OSTF1: variants seen among roughly 807,000 people sequenced by gnomAD.
The protein encoded by OSTF1 is osteoclast stimulating factor 1, also known as osteoclast-stimulating factor 1.
In OSTF1, 27 loss-of-function variants were observed where a neutral mutation model predicts 37.2. That is an observed-to-expected ratio of 0.73 (90% CI 0.54 to 1.00). The LOEUF (loss-of-function observed/expected upper bound fraction) is 1.00, where lower values mean the gene tolerates loss of function less well. Among genes scored for constraint, OSTF1 ranks in the 50% least tolerant of loss-of-function variants. The pLI, the probability that OSTF1 is intolerant of heterozygous loss-of-function variation, is 0.00. For missense variants in OSTF1, 232 were observed against 253.8 expected, an observed-to-expected ratio of 0.91 and a Z score of 0.58; for synonymous variants, 82 against 89.2, an observed-to-expected ratio of 0.92 and a Z score of 0.46.
chr9:75,135,470 A>T (rs62572165), intron 7 of OSTF1, among the ~76,000 whole-genome samples: 6,255 of 150,874 alleles, frequency 0.041, 138 homozygotes, highest in Middle Eastern at 0.065. Context: ...TATTTCTTTT[A>T]GAATTTTTAT....
At chr9:75,121,073 C>T (rs1396641163) in intron 2 of OSTF1, among the ~76,000 whole-genome samples, 1 of 152,204 alleles carries the variant, frequency 6.6e-6, no homozygotes, top group Non-Finnish European at 1.5e-5. Flanking sequence ...TCAGGACCAG[C>T]TCCACTTCTT....
chr9:75,144,216 T>C (rs890901269), intron 9 of OSTF1, among the ~76,000 whole-genome samples: 2 of 152,136 alleles, frequency 1.3e-5, no homozygotes, highest in Non-Finnish European at 2.9e-5. Context: ...TGGAGAAGAA[T>C]AGAGTCAACC....
chr9:75,133,275 A>G lies in OSTF1; in HGVS notation c.251-19A>G. On this transcript the variant is annotated intron_variant, in intron 5 of 9. Coordinates refer to ENST00000346234, the MANE Select transcript of OSTF1 (RefSeq NM_012383.5). ...AAAGCTTTTTTTCTTGTGTTCTTGT[A>G]AATGTAAAATTCTTTCAGGCAACTT... The G allele has an allele frequency of 4.9e-6, 7 of 1,441,672 alleles. No homozygotes were observed. Among genetic ancestry groups the G allele is most frequent in the Non-Finnish European group, 5.8e-6 (6 of 1,033,404 alleles). The allele number at this position is 1,441,672 out of a possible 1,614,324, so 89.3% of individuals were successfully genotyped here.
At chr9:75,134,196 A>G in intron 6 of OSTF1, 150 bp from the exon 7 acceptor site, 1 of 506,484 alleles carries the variant, frequency 2.0e-6, no homozygotes, top group Non-Finnish European at 3.6e-6. Flanking sequence ...TAGATTCTTA[A>G]GTTTTTCTAT....
At chr9:75,120,268 G>T (rs565701932) in intron 2 of OSTF1, among the ~76,000 whole-genome samples, 1 of 152,266 alleles carries the variant, frequency 6.6e-6, no homozygotes, top group South Asian at 2.1e-4. Flanking sequence ...TAGGGAGAGG[G>T]CACAAAGAGC....
intron 1 of OSTF1, among the ~76,000 whole-genome samples, chr9:75,097,932 ACTGCAACCT>A (rs1174292592): frequency 6.8e-6 from 1 of 147,384 alleles, no homozygotes; most frequent in Non-Finnish European, 1.5e-5. Flanking sequence ...TCTTGGGCTT[ACTGCAACCT>A]CTGCTTCCTG....
chr9:75,114,369 T>G (rs1387559496), intron 1 of OSTF1, among the ~76,000 whole-genome samples: 5 of 152,100 alleles, frequency 3.3e-5, no homozygotes, highest in African/African-American at 9.7e-5. Flanking sequence ...ACCTGCAACA[T>G]GAGGGAAATT....
chr9:75,118,702 T>C lies in OSTF1; in HGVS notation c.81+1152T>C, dbSNP rs1263306437. 4.6e-5 allele frequency among the ~76,000 whole-genome samples: 7 copies of C among 152,154 alleles called. No individual in the cohort carries two copies. The East Asian group carries it at 9.6e-4, about 21-fold the overall frequency. ...CGGAAGGCGAAAGGCATGTCTTACA[T>C]GGCAGCAGACAAGAGAGAATGAGAA... On this transcript the variant is annotated intron_variant, in intron 2 of 9. Coordinates refer to ENST00000346234, the MANE Select transcript of OSTF1 (RefSeq NM_012383.5).
chr9:75,138,151 T>A (rs1288505333), intron 8 of OSTF1, among the ~76,000 whole-genome samples: 1 of 152,174 alleles, frequency 6.6e-6, no homozygotes, highest in African/African-American at 2.4e-5. Context: ...CCTTTATCCT[T>A]TTGTCCCACA....
intron 3 of OSTF1, 147 bp from the exon 4 acceptor site, chr9:75,130,431 A>G (rs2118579506): frequency 3.4e-6 from 2 of 593,704 alleles, no homozygotes; most frequent in East Asian, 2.8e-5. Context: ...ACGGACACCC[A>G]CAGCTAGGGC....
intron 1 of OSTF1, among the ~76,000 whole-genome samples, chr9:75,106,110 G>A (rs1329428609): frequency 2.0e-5 from 3 of 152,202 alleles, no homozygotes; most frequent in African/African-American, 4.8e-5. Flanking sequence ...AGGGGAAGTG[G>A]TGGGGAAGAG....
chr9:75,140,902 G>C lies in OSTF1; in HGVS notation c.556G>C (p.Ala186Pro). The change falls in exon 9 of 10, where the codon GCA (alanine) becomes CCA (proline). Residue 186 changes from alanine to proline, a missense_variant. Ala to Pro is a conservative substitution (Grantham distance 27). Coordinates refer to ENST00000346234, the MANE Select transcript of OSTF1 (RefSeq NM_012383.5). ...CGACATGGCTACCAATGCTGCCTGT[G>C]CATCTCTCCTGAAAAAGAAACAGGG... ...AFDMATNAAC[A>P]SLLKKKQGTD... The C allele has an allele frequency of 1.2e-6, 2 of 1,613,226 alleles. No individual in the cohort carries two copies. The highest frequency in any genetic ancestry group is 1.7e-6 in the Non-Finnish European group (2 of 1,179,244).
intron 1 of OSTF1, among the ~76,000 whole-genome samples, chr9:75,115,569 C>A (rs1469911735): frequency 6.6e-6 from 1 of 151,920 alleles, no homozygotes; most frequent in Non-Finnish European, 1.5e-5. Flanking sequence ...AAATAGCTAT[C>A]AAATAGATAG....
intron 1 of OSTF1, among the ~76,000 whole-genome samples, chr9:75,104,222 C>G (rs150018487): frequency 6.6e-6 from 1 of 151,980 alleles, no homozygotes; most frequent in Non-Finnish European, 1.5e-5. Context: ...CCAGCCAGGA[C>G]GACTTGAGTG....
chr9:75,135,967 A>AT (rs1825836348), intron 7 of OSTF1, among the ~76,000 whole-genome samples: 1 of 151,940 alleles, frequency 6.6e-6, no homozygotes, highest in South Asian at 2.1e-4. Context: ...CATTGTTTTT[A>AT]TTTTTTAGGG....
intron 8 of OSTF1, 36 bp downstream of exon 8, chr9:75,137,652 G>A: frequency 7.3e-7 from 1 of 1,371,456 alleles, no homozygotes. Flanking sequence ...GTCTTTGCTT[G>A]CCCTGAAAAA....
intron 9 of OSTF1, 23 bp downstream of exon 9, chr9:75,140,955 T>C: frequency 6.8e-7 from 1 of 1,474,888 alleles, no homozygotes; most frequent in South Asian, 1.1e-5. Flanking sequence ...AATTCTTCTT[T>C]CTCCTCTGGT....
chr9:75,133,727 C>T (rs116618674), intron 6 of OSTF1, among the ~76,000 whole-genome samples: 2,979 of 152,280 alleles, frequency 0.02, 98 homozygotes, highest in African/African-American at 0.068. Context: ...AGAATTTGCT[C>T]CTCTAGCTTA....
chr9:75,099,591 G>T (rs925031504), intron 1 of OSTF1, among the ~76,000 whole-genome samples: 2 of 151,794 alleles, frequency 1.3e-5, no homozygotes, highest in African/African-American at 2.4e-5. Flanking sequence ...ACTTTGGGAG[G>T]CCAAGGCAGG....
Sources: allele counts gnomAD v4.1 joint callset (sites outside exome capture counted in the v4.1 genomes callset), GRCh38; gene constraint gnomAD v4.1.1; transcripts MANE v1.5; gene names NCBI Gene and HGNC (gene_info 2026-07-23, HGNC 2026-07-21).